The following PCLO variants were observed in gnomAD, a reference collection of about 807,000 sequenced individuals.
The protein encoded by PCLO is piccolo presynaptic cytomatrix protein, also known as protein piccolo.
PCLO carries 82 observed loss-of-function variants against 427.5 expected under a neutral mutation model. The ratio of observed to expected loss-of-function variants is 0.19; its 90% CI spans 0.16 to 0.23. The LOEUF (loss-of-function observed/expected upper bound fraction) is 0.23. PCLO is among the 10% of genes least tolerant of loss of function. The pLI is 1.00. For missense variants in PCLO, 6,239 were observed against 6,115.9 expected, an observed-to-expected ratio of 1.02 and a Z score of -0.67; for synonymous variants, 2,357 against 2,155.4, an observed-to-expected ratio of 1.09 and a Z score of -2.59.
chr7:82,864,216 A>G (rs2115934993), intron 10 of PCLO, among the ~76,000 whole-genome samples: 1 of 152,318 alleles, frequency 6.6e-6, no homozygotes, highest in Admixed American at 6.5e-5. Context: ...TTGAATTACA[A>G]TAAAACATCA....
chr7:83,016,272 A>C (rs563215628), intron 3 of PCLO, among the ~76,000 whole-genome samples: 1 of 152,268 alleles, frequency 6.6e-6, no homozygotes, highest in Admixed American at 6.5e-5. Flanking sequence ...GGAAAAAAAA[A>C]CAACGTGTGC....
At chr7:82,984,638 TTTTG>T (rs1796219760) in intron 3 of PCLO, among the ~76,000 whole-genome samples, 2 of 152,072 alleles carry the variant, frequency 1.3e-5, no homozygotes, top group East Asian at 1.9e-4. Context: ...TGTTTCGTTA[TTTTG>T]TTTATTTGTT....
At chr7:82,965,695 A>G in intron 4 of PCLO, 76 bp downstream of exon 4, 1 of 922,028 alleles carries the variant, frequency 1.1e-6, no homozygotes, top group Non-Finnish European at 1.7e-6. Context: ...ATTACCATTG[A>G]GCAACTTGTA....
At chr7:83,000,518 C>T (rs781400056) in intron 3 of PCLO, among the ~76,000 whole-genome samples, 5 of 151,852 alleles carry the variant, frequency 3.3e-5, no homozygotes, top group East Asian at 1.9e-4. Flanking sequence ...CATGGATGTG[C>T]GGGATGTGGG....
chr7:82,989,945 A>T (rs1030003148), intron 3 of PCLO, among the ~76,000 whole-genome samples: 10 of 152,200 alleles, frequency 6.6e-5, no homozygotes, highest in Non-Finnish European at 1.3e-4. Flanking sequence ...AGTACTTCAG[A>T]CTGGAAAATA....
In PCLO at chr7:82,966,012, T is replaced by C; in HGVS notation, c.3776A>G (p.Glu1259Gly). 1 of 1,613,738 alleles carries C rather than the reference T, an allele frequency of 6.2e-7. No homozygotes were observed. The highest frequency in any genetic ancestry group is 8.5e-7 in the Non-Finnish European group (1 of 1,179,844). ...LPEAKTSAPE[E>G]QKHDLLKSQV... ...AGATTTAAGTAAGTCATGTTTCTGTTCTTCTGGGGCTGATGTTTTTGCCTC... is the reference window on the plus strand; with the variant it reads ...AGATTTAAGTAAGTCATGTTTCTGTCCTTCTGGGGCTGATGTTTTTGCCTC... The change falls in exon 4 of 25, where the codon GAA becomes GGA. Residue 1259 changes from glutamate to glycine, a missense_variant. Physicochemically the swap from Glu to Gly is moderately conservative, Grantham distance 98 (BLOSUM62 -2). Transcript: ENST00000333891.
At chr7:82,822,282 G>C (rs1228247666) in intron 20 of PCLO, 1 of 1,401,716 alleles carries the variant, frequency 7.1e-7, no homozygotes, top group African/African-American at 1.5e-5. Flanking sequence ...AGGAGAAACA[G>C]CCAGTTTTAT....
intron 6 of PCLO, among the ~76,000 whole-genome samples, chr7:82,929,279 T>G (rs563756753): frequency 6.6e-6 from 1 of 152,312 alleles, no homozygotes; most frequent in African/African-American, 2.4e-5. Flanking sequence ...ATAAAATATC[T>G]TATTAATCTC....
At chr7:83,030,248 CTG>C (rs1241285083) in intron 3 of PCLO, among the ~76,000 whole-genome samples, 3 of 151,834 alleles carry the variant, frequency 2.0e-5, no homozygotes, top group Non-Finnish European at 4.4e-5. Context: ...ACACATCACA[CTG>C]TGTATAGAGC....
At chr7:82,981,254 AG>A (rs1796140688) in intron 3 of PCLO, among the ~76,000 whole-genome samples, 1 of 151,892 alleles carries the variant, frequency 6.6e-6, no homozygotes, top group South Asian at 2.1e-4. Context: ...AAAAAAAAAA[AG>A]ATTCAGATCT....
chr7:82,787,235 C>T (rs978647053), intron 22 of PCLO, among the ~76,000 whole-genome samples: 5 of 151,874 alleles, frequency 3.3e-5, no homozygotes, highest in South Asian at 2.1e-4. Context: ...TCTCCACATC[C>T]TCTCCAGCAT....
chr7:83,011,065 T>C (rs1340036959), intron 3 of PCLO, among the ~76,000 whole-genome samples: 1 of 152,048 alleles, frequency 6.6e-6, no homozygotes, highest in African/African-American at 2.4e-5. Flanking sequence ...AAGTCAACTT[T>C]TGGCCTTTAA....
intron 3 of PCLO, among the ~76,000 whole-genome samples, chr7:82,990,181 T>C (rs1796344842): frequency 6.6e-6 from 1 of 152,118 alleles, no homozygotes; most frequent in African/African-American, 2.4e-5. Context: ...ATGAATTCAC[T>C]GTGTAGGTAT....
chr7:83,083,931 T>G (rs535071114), intron 3 of PCLO, among the ~76,000 whole-genome samples: 1 of 152,266 alleles, frequency 6.6e-6, no homozygotes, highest in Admixed American at 6.5e-5. Context: ...TTTTTAAAAC[T>G]TTTTCTGAGA....
intron 3 of PCLO, among the ~76,000 whole-genome samples, chr7:83,013,452 G>A (rs996856720): frequency 1.3e-5 from 2 of 152,088 alleles, no homozygotes; most frequent in African/African-American, 4.8e-5. Context: ...CAGGGTTGTT[G>A]TCAAGATAAA....
At chr7:82,782,462 A>G (rs1481340591) in intron 22 of PCLO, among the ~76,000 whole-genome samples, 1 of 152,190 alleles carries the variant, frequency 6.6e-6, no homozygotes. Flanking sequence ...AATCACAGGG[A>G]CTGGCTATGT....
In PCLO at chr7:83,156,213, T is replaced by C; in HGVS notation, c.428A>G (p.Asp143Gly). 1.2e-6 allele frequency: 2 copies of C among 1,613,916 alleles called. No homozygotes were observed. Among genetic ancestry groups the C allele is most frequent in the Non-Finnish European group, 1.7e-6 (2 of 1,179,844 alleles). ...ISLKESKSRT[D>G]LKEEHKSSMM... ...ACTAGACTTGTGCTCTTCCTTTAAA[T>C]CAGTTCTGGACTTTGATTCTTTCAA... Residue 143 changes from aspartate to glycine, a missense_variant, in exon 2 of 25, where the codon GAT (aspartate) becomes GGT (glycine). Around this residue, in one of 5 missense-constraint regions of PCLO, gnomAD observed 4,677 missense variants for 4,468.4 expected, o/e 1.05. Transcript: ENST00000333891.
intron 3 of PCLO, among the ~76,000 whole-genome samples, chr7:82,969,859 T>C (rs936722277): frequency 3.3e-5 from 5 of 152,130 alleles, no homozygotes; most frequent in African/African-American, 1.2e-4. Context: ...CCACTTCTAG[T>C]TAGATATTTT....
chr7:82,858,342 C>CA (rs1041864024), intron 10 of PCLO, among the ~76,000 whole-genome samples: 1 of 152,066 alleles, frequency 6.6e-6, no homozygotes, highest in Non-Finnish European at 1.5e-5. Context: ...CCATGTATGA[C>CA]AAATCTGCAA....
Sources: allele counts gnomAD v4.1 joint callset (sites outside exome capture counted in the v4.1 genomes callset), GRCh38; gene constraint gnomAD v4.1.1; regional missense constraint gnomAD v4.1.1; transcripts MANE v1.5; gene names NCBI Gene and HGNC (gene_info 2026-07-23, HGNC 2026-07-21).